Variants in LINGO1 observed in about 807,000 individuals in gnomAD.
The protein encoded by LINGO1 is leucine rich repeat and Ig domain containing 1.
A neutral mutation model predicts 37.3 loss-of-function variants in LINGO1; 11 were observed. The observed-to-expected ratio is 0.29, with a 90% CI of 0.19 to 0.49. The LOEUF is 0.49. Among genes scored for constraint, LINGO1 ranks in the 20% least tolerant of loss-of-function variants. LINGO1 has a pLI of 0.99. For missense variants in LINGO1, 585 were observed against 878.2 expected (o/e 0.67, Z 4.22); for synonymous variants, 387 against 403.0 (o/e 0.96, Z 0.48).
intron 1 of LINGO1, among the ~76,000 whole-genome samples, chr15:77,694,295 C>T (rs973811553): frequency 6.6e-6 from 1 of 152,158 alleles, no homozygotes; most frequent in Admixed American, 6.5e-5. Flanking sequence ...GCAGCCCACA[C>T]TGTGAGGCAG....
intron 3 of LINGO1, among the ~76,000 whole-genome samples, chr15:77,676,834 C>T (rs2075335821): frequency 6.6e-6 from 1 of 152,210 alleles, no homozygotes; most frequent in African/African-American, 2.4e-5. Context: ...TGCCTCTCAG[C>T]ATCCCGGGGA....
chr15:77,617,128 G>A lies in LINGO1; in HGVS notation c.7-1228C>T, dbSNP rs76842001. Among the ~76,000 whole-genome samples, 983 of 152,294 alleles carry A rather than the reference G, an allele frequency of 6.5e-3. 7 individuals carry two copies. The highest frequency in any genetic ancestry group is 0.023 in the African/African-American group (938 of 41,554). On this transcript the variant is annotated intron_variant, in intron 1 of 1. Coordinates refer to ENST00000355300, the MANE Select transcript of LINGO1 (RefSeq NM_032808.7). ...GGGAGGTGGTGACATGAGAAACCGT[G>A]CCAGGAGCGGGGTCCAGCTTGCATA...
Position 77,632,467 on chromosome 15 carries a change from G to T in LINGO1, c.-152C>A. 2 of 785,134 alleles carry T rather than the reference G, an allele frequency of 2.5e-6. No homozygotes were observed. The highest frequency in any genetic ancestry group is 3.4e-6 in the Non-Finnish European group (2 of 585,064). 48.6% of individuals were successfully genotyped at this position (785,134 alleles called of 1,614,324 possible). Reference sequence around the variant, plus strand: ...CAGTCCGCGCGCCCTCGCGGGGCTGGCTGTCCGTCTGTCCGCCCCGCGCGG... The same window carrying T: ...CAGTCCGCGCGCCCTCGCGGGGCTGTCTGTCCGTCTGTCCGCCCCGCGCGG... On this transcript the variant is annotated 5_prime_UTR_variant, in exon 1 of 2. Transcript: ENST00000355300. The surrounding 1 kb of genome is among the most constrained non-coding windows in gnomAD (Gnocchi z 6.0).
At chr15:77,643,660 G>A (rs1486615086) in intron 3 of LINGO1, among the ~76,000 whole-genome samples, 1 of 152,190 alleles carries the variant, frequency 6.6e-6, no homozygotes, top group African/African-American at 2.4e-5. Context: ...GCATGGAGGT[G>A]GGGGTACTGC....
chr15:77,665,058 G>A (rs1373025920), intron 3 of LINGO1, among the ~76,000 whole-genome samples: 1 of 152,204 alleles, frequency 6.6e-6, no homozygotes, highest in Admixed American at 6.5e-5. Flanking sequence ...CCCTGCCTGT[G>A]CACATGTGGG....
At chr15:77,618,331 G>T (rs551719188) in intron 1 of LINGO1, among the ~76,000 whole-genome samples, 1 of 152,130 alleles carries the variant, frequency 6.6e-6, no homozygotes. Flanking sequence ...TTTCCCACCA[G>T]TCCCTGAGCA....
At chr15:77,646,478 G>A in intron 3 of LINGO1, 1 of 455,760 alleles carries the variant, frequency 2.2e-6, no homozygotes, top group South Asian at 1.6e-5. Flanking sequence ...AGCAAAGTAA[G>A]AGCTTCTTCC....
chr15:77,820,506 G>A (rs898566439), upstream of LINGO1, among the ~76,000 whole-genome samples: 1 of 152,226 alleles, frequency 6.6e-6, no homozygotes, highest in African/African-American at 2.4e-5. Flanking sequence ...CCTGGACTGC[G>A]TGGCGGGGGA....
intron 1 of LINGO1, among the ~76,000 whole-genome samples, chr15:77,737,849 C>T (rs1242160093): frequency 2.0e-5 from 3 of 152,068 alleles, no homozygotes; most frequent in Non-Finnish European, 4.4e-5. Flanking sequence ...ATCCGAGGCC[C>T]CAGGGCTCAC....
At chr15:77,699,274 CTGCACACAGTAAG>C (rs1333835207), upstream of LINGO1, among the ~76,000 whole-genome samples, 2 of 152,176 alleles carry the variant, frequency 1.3e-5, no homozygotes, top group African/African-American at 4.8e-5. Context: ...AGCCCAGACC[CTGCACACAGTAAG>C]TGCATACTAA....
At chr15:77,641,536 C>T (rs2074506343) in intron 3 of LINGO1, among the ~76,000 whole-genome samples, 1 of 152,218 alleles carries the variant, frequency 6.6e-6, no homozygotes. Context: ...TGTCATGTCG[C>T]ACCCATAAAC....
chr15:77,667,368 G>A (rs1285533065), intron 3 of LINGO1, among the ~76,000 whole-genome samples: 1 of 152,182 alleles, frequency 6.6e-6, no homozygotes, highest in Non-Finnish European at 1.5e-5. Context: ...GATCTTCCCA[G>A]GGATGTGGAG....
intron 1 of LINGO1, among the ~76,000 whole-genome samples, chr15:77,798,555 G>A (rs1237581193): frequency 6.6e-6 from 1 of 152,248 alleles, no homozygotes; most frequent in African/African-American, 2.4e-5. Context: ...TGGAAATGGG[G>A]CCACAGGCAG....
intron 3 of LINGO1, among the ~76,000 whole-genome samples, chr15:77,642,893 G>A (rs1321546515): frequency 1.3e-5 from 2 of 152,212 alleles, no homozygotes; most frequent in Non-Finnish European, 2.9e-5. Flanking sequence ...GGTCTATCCC[G>A]CTGAGGCCTC....
At chr15:77,760,887 T>C (rs2076468941) in intron 1 of LINGO1, among the ~76,000 whole-genome samples, 1 of 151,820 alleles carries the variant, frequency 6.6e-6, no homozygotes. Flanking sequence ...GCTAAAAAGC[T>C]TTATTTTGTT....
chr15:77,684,236 G>A (rs2075465358), intron 2 of LINGO1, among the ~76,000 whole-genome samples: 1 of 152,182 alleles, frequency 6.6e-6, no homozygotes, highest in Non-Finnish European at 1.5e-5. Context: ...GTTCACTGGG[G>A]GCTGTGCAAC....
rs140995326 is a variant in LINGO1 at position 77,802,373 on chromosome 15, G to A, written c.-457-6320C>T. Among the ~76,000 whole-genome samples the A allele has an allele frequency of 2.4e-4, 36 of 152,172 alleles. No homozygotes were observed. In the East Asian group the frequency reaches 6.8e-3, roughly 29 times the overall value. ...ACACAGCAGATCCACGTATATGTGT[G>A]CATAGTGTGTGTAGTATGTCCTGTG... On this transcript the variant is annotated intron_variant, in intron 1 of 5. Coordinates refer to the LINGO1 transcript ENST00000562933.
chr15:77,776,526 A>AGGGAGGGAGGGAGGGAGGGAGGG (rs1567577777), intron 1 of LINGO1, among the ~76,000 whole-genome samples: 5 of 35,754 alleles, frequency 1.4e-4, no homozygotes, highest in Non-Finnish European at 1.8e-4. Context: ...GGAAGGGAGG[A>AGGGAGGGAGGGAGGGAGGGAGGG]AGGGAGGGAG....
chr15:77,617,865 C>T (rs2073782267), intron 1 of LINGO1, among the ~76,000 whole-genome samples: 2 of 152,186 alleles, frequency 1.3e-5, no homozygotes, highest in African/African-American at 4.8e-5. Flanking sequence ...CAGGGGGGCA[C>T]TGACATGTTA....
Sources: allele counts gnomAD v4.1 joint callset (sites outside exome capture counted in the v4.1 genomes callset), GRCh38; gene constraint gnomAD v4.1.1; non-coding constraint Gnocchi (gnomAD v3.1); transcripts MANE v1.5; gene names NCBI Gene and HGNC (gene_info 2026-07-23, HGNC 2026-07-21).